LPCAT3: variants seen among roughly 807,000 people sequenced by gnomAD.
The protein encoded by LPCAT3 is lysophosphatidylcholine acyltransferase 3.
In LPCAT3, 21 loss-of-function variants were observed where a neutral mutation model predicts 63.4. That is an observed-to-expected ratio of 0.33 (90% confidence interval 0.23 to 0.48). The LOEUF (loss-of-function observed/expected upper bound fraction) is 0.48, where lower values mean the gene tolerates loss of function less well. LPCAT3 is among the 20% of genes least tolerant of loss of function. LPCAT3 has a pLI of 0.99. For missense variants in LPCAT3, 451 were observed against 590.6 expected, an observed-to-expected ratio of 0.76 and a Z score of 2.45; for synonymous variants, 242 against 227.5, an observed-to-expected ratio of 1.06 and a Z score of -0.58.
intron 1 of LPCAT3, among the ~76,000 whole-genome samples, chr12:6,997,767 G>A (rs1946651256): frequency 6.6e-6 from 1 of 151,944 alleles, no homozygotes; most frequent in Non-Finnish European, 1.5e-5. Context: ...TGTATTTTTA[G>A]TAGAGACAGG....
At chr12:7,005,083 T>G (rs188424155) in intron 1 of LPCAT3, among the ~76,000 whole-genome samples, 1 of 152,242 alleles carries the variant, frequency 6.6e-6, no homozygotes, top group Non-Finnish European at 1.5e-5. Flanking sequence ...TACCGCATAG[T>G]GGCCATTCCC....
chr12:6,986,514 G>A (rs1424366545), intron 1 of LPCAT3, among the ~76,000 whole-genome samples: 16 of 152,108 alleles, frequency 1.1e-4, no homozygotes, highest in Admixed American at 9.8e-4. Flanking sequence ...GCCGGGTGTG[G>A]TGGCTCATGC....
intron 1 of LPCAT3, among the ~76,000 whole-genome samples, chr12:7,009,748 C>T (rs1555157084): frequency 6.6e-6 from 1 of 152,218 alleles, no homozygotes; most frequent in African/African-American, 2.4e-5. Flanking sequence ...AGCAACAGTT[C>T]TCAAACTTTT....
intron 1 of LPCAT3, among the ~76,000 whole-genome samples, chr12:7,000,341 TC>T (rs1946674099): frequency 6.6e-6 from 1 of 151,090 alleles, no homozygotes; most frequent in South Asian, 2.1e-4. Flanking sequence ...CCCACCCAGC[TC>T]TTTGGGAGGC....
rs782363297 is a variant in LPCAT3 at position 6,982,660 on chromosome 12, AG to A, written c.366+15del. 3.1e-5 allele frequency: 49 copies of A among 1,584,016 alleles called. No individual in the cohort carries two copies. In the East Asian group the frequency reaches 9.4e-4, roughly 30 times the overall value. ...CTGTCAGCTGTAGCCTGAGCTGCTA[AG>A]GGAAAGACGTTTACCATCTGGAAGC... On this transcript the variant is annotated intron_variant, in intron 3 of 12. Coordinates refer to ENST00000261407, the MANE Select transcript of LPCAT3 (RefSeq NM_005768.6).
intron 8 of LPCAT3, 40 bp downstream of exon 8, chr12:6,978,563 G>A: frequency 6.2e-7 from 1 of 1,613,404 alleles, no homozygotes; most frequent in Non-Finnish European, 8.5e-7. Flanking sequence ...GGCCCCCATG[G>A]CTTGTCTAAA....
chr12:6,992,324 CAA>C (rs1234943370), intron 1 of LPCAT3, among the ~76,000 whole-genome samples: 6 of 132,534 alleles, frequency 4.5e-5, no homozygotes, highest in Non-Finnish European at 4.9e-5. Context: ...GACCCTGCCT[CAA>C]AAAAAAAAAA....
chr12:6,986,051 A>G (rs1258509632), intron 1 of LPCAT3, among the ~76,000 whole-genome samples: 1 of 151,836 alleles, frequency 6.6e-6, no homozygotes, highest in East Asian at 1.9e-4. Context: ...CTAGGATTAC[A>G]GGCGTGAGCC....
chr12:6,980,959 G>T, intron 6 of LPCAT3, 45 bp downstream of exon 6: 1 of 1,509,806 alleles, frequency 6.6e-7, no homozygotes, highest in South Asian at 1.3e-5. Context: ...ACTTCAGAGT[G>T]AGTGAAATAC....
At chr12:6,986,600 T>A (rs1466026979) in intron 1 of LPCAT3, among the ~76,000 whole-genome samples, 1 of 151,564 alleles carries the variant, frequency 6.6e-6, no homozygotes, top group African/African-American at 2.4e-5. Flanking sequence ...CTGGCTAACA[T>A]GGTGAAATTC....
chr12:6,982,582 G>T, intron 3 of LPCAT3, 94 bp downstream of exon 3: 1 of 892,862 alleles, frequency 1.1e-6, no homozygotes, highest in Non-Finnish European at 1.8e-6. Context: ...TTAGAAATTA[G>T]GTCTGCTAAT....
chr12:7,002,433 C>T (rs1946694284), intron 1 of LPCAT3, among the ~76,000 whole-genome samples: 1 of 152,170 alleles, frequency 6.6e-6, no homozygotes, highest in African/African-American at 2.4e-5. Flanking sequence ...CTGCCAAGTG[C>T]CTAATTAGCT....
At chr12:6,984,956 T>G (rs1212424411) in intron 1 of LPCAT3, among the ~76,000 whole-genome samples, 2 of 152,030 alleles carry the variant, frequency 1.3e-5, no homozygotes, top group African/African-American at 4.8e-5. Flanking sequence ...TTACTGTGAG[T>G]TTGCTTAACT....
intron 1 of LPCAT3, among the ~76,000 whole-genome samples, chr12:7,012,765 G>C (rs782437037): frequency 9.2e-5 from 14 of 152,256 alleles, no homozygotes; most frequent in Non-Finnish European, 1.5e-5. Context: ...AACCTAAAGT[G>C]AACCCCAAAC....
chr12:6,979,502 G>A lies in LPCAT3; in HGVS notation c.755C>T (p.Thr252Ile), dbSNP rs868970210. Residue 252 changes from threonine to isoleucine, a missense_variant, in exon 7 of 13, where the codon ACA becomes ATA. Coordinates refer to ENST00000261407, the MANE Select transcript of LPCAT3 (RefSeq NM_005768.6). ...GTCTTCAGTGAGGAGATAGTCTTCT[G>A]TGATGTGGGGGCTGAGCAGTGTGTA... is the stretch of plus-strand genomic sequence containing the variant. ...VGYTLLSPHI[T>I]EDYLLTEDYD... 6.2e-7 allele frequency: 1 copy of A among 1,613,898 alleles called. No homozygotes were observed. The highest frequency in any genetic ancestry group is 8.5e-7 in the Non-Finnish European group (1 of 1,179,756).
intron 1 of LPCAT3, among the ~76,000 whole-genome samples, chr12:6,988,812 T>A (rs1355233164): frequency 6.6e-6 from 1 of 152,120 alleles, no homozygotes; most frequent in South Asian, 2.1e-4. Flanking sequence ...CCAGATGGGT[T>A]TGTAACAACC....
chr12:7,008,760 A>C (rs1280418850), intron 1 of LPCAT3, among the ~76,000 whole-genome samples: 5 of 152,126 alleles, frequency 3.3e-5, no homozygotes, highest in African/African-American at 9.7e-5. Flanking sequence ...TCAAAAAAAA[A>C]ACAAAAAACA....
At chr12:7,015,584 G>A (rs1207669895) in intron 1 of LPCAT3, among the ~76,000 whole-genome samples, 2 of 152,120 alleles carry the variant, frequency 1.3e-5, no homozygotes, top group Non-Finnish European at 2.9e-5. Flanking sequence ...GTGCCTACTA[G>A]GAATACAATC....
At chr12:7,004,022 C>T (rs1325771964) in intron 1 of LPCAT3, among the ~76,000 whole-genome samples, 1 of 151,118 alleles carries the variant, frequency 6.6e-6, no homozygotes, top group East Asian at 1.9e-4. Flanking sequence ...TGGCATCTTA[C>T]TTAGCGAATC....
Sources: gnomAD v4.1 joint callset for allele counts (sites outside exome capture counted in the v4.1 genomes callset) on GRCh38, gnomAD v4.1.1 for gene constraint, MANE v1.5 for transcripts, NCBI Gene and HGNC (gene_info 2026-07-23, HGNC 2026-07-21) for gene names.